HIBCH: variants seen among roughly 807,000 people sequenced by gnomAD.
HIBCH encodes 3-hydroxyisobutyryl-CoA hydrolase, mitochondrial.
A neutral mutation model predicts 58.2 loss-of-function variants in HIBCH; 50 were observed. The ratio of observed to expected loss-of-function variants is 0.86; its 90% confidence interval spans 0.68 to 1.09. HIBCH has a LOEUF of 1.09. Among genes scored for constraint, HIBCH ranks in the 50% least tolerant of loss-of-function variants. HIBCH has a pLI of 0.00. For synonymous variants in HIBCH, 151 were observed against 146.9 expected (o/e 1.03, Z -0.20); for missense variants, 450 against 449.7 (o/e 1.00, Z -0.01).
chr2:190,248,346 T>C (rs1686669013), intron 9 of HIBCH, among the ~76,000 whole-genome samples: 1 of 152,122 alleles, frequency 6.6e-6, no homozygotes, highest in African/African-American at 2.4e-5. Flanking sequence ...TTTTTTTTCT[T>C]CCAATGTATT....
chr2:190,246,760 T>C (rs1686619493), intron 9 of HIBCH, among the ~76,000 whole-genome samples: 1 of 152,230 alleles, frequency 6.6e-6, no homozygotes, highest in African/African-American at 2.4e-5. Flanking sequence ...CATGACACAG[T>C]TTTGTGTCCC....
At position 190,304,883 on chromosome 2, in the gene HIBCH, T is replaced by A. The variant is rs543148902; in HGVS notation, c.78+5871A>T. On this transcript the variant is annotated intron_variant, in intron 2 of 13. Coordinates refer to ENST00000359678, the MANE Select transcript of HIBCH (RefSeq NM_014362.4). This position sits in a 1 kb window ranked among gnomAD's most constrained non-coding sequence, Gnocchi z 4.1. ...GAGATAAAATAGGACGAATAATGTA[T>A]CCCTGTGCTGGAATTTATAAGACAC... Among the ~76,000 whole-genome samples the A allele has an allele frequency of 2.0e-5, 3 of 152,250 alleles. No homozygotes were observed. Among genetic ancestry groups the A allele is most frequent in the East Asian group, 3.9e-4 (2 of 5,190 alleles).
At chr2:190,240,963 TAG>T (rs1031495262) in intron 11 of HIBCH, among the ~76,000 whole-genome samples, 1 of 152,234 alleles carries the variant, frequency 6.6e-6, no homozygotes, top group African/African-American at 2.4e-5. Context: ...TGATTTGGGG[TAG>T]AGAGTTCTAC....
intron 1 of HIBCH, among the ~76,000 whole-genome samples, chr2:190,314,073 C>A (rs1319006337): frequency 1.3e-5 from 2 of 151,884 alleles, no homozygotes; most frequent in African/African-American, 4.8e-5. Flanking sequence ...GCCAGATTTG[C>A]AACTATTATG....
chr2:190,200,122 C>A, downstream of HIBCH: 2 of 1,613,944 alleles, frequency 1.2e-6, no homozygotes, highest in Non-Finnish European at 1.7e-6. Flanking sequence ...CCATGACATT[C>A]CATACATTGA....
In HIBCH at chr2:190,245,115, G is replaced by A. The variant is rs754662471; in HGVS notation, c.810-147C>T. On this transcript the variant is annotated intron_variant, in intron 10 of 13. Transcript: ENST00000359678. ...CTTTAACAGGACGTGAAAAGAAAGA[G>A]AGCATTGCTTCCCTGGGTAAGCATT... 27 of 670,058 alleles carry A rather than the reference G, an allele frequency of 4.0e-5. No individual in the cohort carries two copies. In the Middle Eastern group the frequency reaches 1.6e-3, roughly 39 times the overall value. 41.5% of individuals were successfully genotyped at this position (670,058 alleles called of 1,614,324 possible).
chr2:190,311,655 G>C lies in HIBCH; in HGVS notation c.36-859C>G, dbSNP rs113724495. ...TCAGAAATATGACCAAAGTCTGATT[G>C]ATAAATATGTTCACATTATTTACAG... On this transcript the variant is annotated intron_variant, in intron 1 of 13. Coordinates refer to ENST00000359678, the MANE Select transcript of HIBCH (RefSeq NM_014362.4). 2.6e-5 allele frequency among the ~76,000 whole-genome samples: 4 copies of C among 152,214 alleles called. No individual in the cohort carries two copies. In the East Asian group the frequency reaches 7.7e-4, roughly 29 times the overall value.
chr2:190,285,967 C>T (rs757239712), intron 6 of HIBCH, among the ~76,000 whole-genome samples: 6 of 152,050 alleles, frequency 3.9e-5, no homozygotes, highest in Non-Finnish European at 7.4e-5. Flanking sequence ...TCAGCCTCCC[C>T]AGTCACTGAG....
chr2:190,283,856 G>T (rs544389556), intron 6 of HIBCH, among the ~76,000 whole-genome samples: 1 of 152,194 alleles, frequency 6.6e-6, no homozygotes, highest in Non-Finnish European at 1.5e-5. Context: ...TTCTCCCAAG[G>T]ATGGTACATA....
intron 11 of HIBCH, among the ~76,000 whole-genome samples, chr2:190,218,123 A>G (rs1685612703): frequency 6.6e-6 from 1 of 151,738 alleles, no homozygotes; most frequent in South Asian, 2.1e-4. Context: ...ATGCCTGCCA[A>G]GTCTTACCTT....
chr2:190,232,209 T>A (rs1295361002), intron 11 of HIBCH, among the ~76,000 whole-genome samples: 1 of 152,106 alleles, frequency 6.6e-6, no homozygotes, highest in African/African-American at 2.4e-5. Context: ...AAATTTTTTT[T>A]AATTTCAATT....
Position 190,287,653 on chromosome 2 carries a change from G to A in HIBCH, c.386-15C>T. On this transcript the variant is annotated splice_polypyrimidine_tract_variant and intron_variant, in intron 5 of 13. Transcript: ENST00000359678. Reference sequence around the variant, plus strand: ...CTGGCAAGAACCTGAAAGAAACAGAGCTGTAATTTTAGTTACAGTGTTTAA... The same window carrying A: ...CTGGCAAGAACCTGAAAGAAACAGAACTGTAATTTTAGTTACAGTGTTTAA... 2.5e-6 allele frequency: 4 copies of A among 1,598,108 alleles called. No homozygotes were observed. Among genetic ancestry groups the A allele is most frequent in the Non-Finnish European group, 2.6e-6 (3 of 1,166,102 alleles).
At chr2:190,192,482 G>GTGTT (rs1396703138) in intron 1 of HIBCH, among the ~76,000 whole-genome samples, 10 of 146,416 alleles carry the variant, frequency 6.8e-5, no homozygotes, top group African/African-American at 2.6e-4. Context: ...GTGTGTGTGT[G>GTGTT]TGTGTGTGTA....
In HIBCH at chr2:190,207,411, A is replaced by G. The variant is rs1690417711; in HGVS notation, c.1045+1469T>C. ...ATGCCTATGTTACTTAGTTTCTACAAGACACACTGCCATCTCCTCTGATCA... is the reference window on the plus strand; with the variant it reads ...ATGCCTATGTTACTTAGTTTCTACAGGACACACTGCCATCTCCTCTGATCA... On this transcript the variant is annotated intron_variant, in intron 13 of 13. Transcript: ENST00000359678. The surrounding 1 kb of genome is among the most constrained non-coding windows in gnomAD (Gnocchi z 4.5). Among the ~76,000 whole-genome samples, 1 of 152,196 alleles carries G rather than the reference A, an allele frequency of 6.6e-6. No homozygotes were observed. The highest frequency in any genetic ancestry group is 1.5e-5 in the Non-Finnish European group (1 of 68,030).
Position 190,206,827 on chromosome 2 carries a change from CA to C in HIBCH, c.1046-1596del, listed in dbSNP as rs1559010133. On this transcript the variant is annotated intron_variant, in intron 13 of 13. Transcript: ENST00000359678. This position sits in a 1 kb window ranked among gnomAD's most constrained non-coding sequence, Gnocchi z 5.1. The stretch of plus-strand genomic sequence containing the variant: ...AAGAGGCGGCAATATACTTTCTCTT[CA>C]TTAAAAAGTAGCATAGGCCAGGCGC... Among the ~76,000 whole-genome samples, 22 of 152,286 alleles carry C rather than the reference CA, an allele frequency of 1.4e-4. No individual in the cohort carries two copies. The highest frequency in any genetic ancestry group is 5.3e-4 in the African/African-American group (22 of 41,570).
Position 190,213,073 on chromosome 2 carries a change from T to C in HIBCH, c.894A>G (p.Val298=). Residue 298 remains valine, a splice_region_variant and synonymous_variant, in exon 12 of 14, where the codon GTA becomes GTG. Coordinates refer to ENST00000359678, the MANE Select transcript of HIBCH (RefSeq NM_014362.4). ...GAGATGTTGGAGACATTTTATTAAT[T>C]ACCTTTTGGAGGAAAAAATTTACTA... ...GSSFALEQLK[V]INKMSPTSLK... is the part of the protein sequence containing the mutation. 6.2e-7 allele frequency: 1 copy of C among 1,605,304 alleles called. No homozygotes were observed. The highest frequency in any genetic ancestry group is 8.5e-7 in the Non-Finnish European group (1 of 1,172,210).
intron 11 of HIBCH, among the ~76,000 whole-genome samples, chr2:190,231,023 T>C (rs1686079970): frequency 6.6e-6 from 1 of 152,206 alleles, no homozygotes; most frequent in African/African-American, 2.4e-5. Flanking sequence ...AATTAGTTCT[T>C]TCAAAAGCCA....
intron 6 of HIBCH, among the ~76,000 whole-genome samples, chr2:190,283,744 A>G (rs1190439984): frequency 6.6e-6 from 1 of 152,196 alleles, no homozygotes; most frequent in Non-Finnish European, 1.5e-5. Context: ...AAAAGACACA[A>G]TATTTTTAAG....
chr2:190,248,200 T>C (rs1481459395), intron 9 of HIBCH, among the ~76,000 whole-genome samples: 2 of 152,356 alleles, frequency 1.3e-5, no homozygotes, highest in Admixed American at 1.3e-4. Context: ...TTTGTTTTTC[T>C]ATGCAAAGCA....
Sources: gnomAD v4.1 joint callset for allele counts (sites outside exome capture counted in the v4.1 genomes callset) on GRCh38, gnomAD v4.1.1 for gene constraint, Gnocchi (gnomAD v3.1) non-coding constraint, MANE v1.5 for transcripts, NCBI Gene and HGNC (gene_info 2026-07-23, HGNC 2026-07-21) for gene names.